Variants in TNS3 observed in about 807,000 individuals in gnomAD.
TNS3 encodes the protein tensin-3.
Under a neutral mutation model 140.9 loss-of-function variants are expected in TNS3, and 45 were observed. The observed-to-expected ratio is 0.32, with a 90% CI of 0.25 to 0.41. The LOEUF (loss-of-function observed/expected upper bound fraction) is 0.41, where lower values mean the gene tolerates loss of function less well. Ranked by LOEUF, TNS3 falls within the 10% of genes least tolerant of loss-of-function variation. The probability of loss-of-function intolerance (pLI) is 1.00; values close to 1 mark genes in which losing one functional copy is unlikely to be tolerated. For missense variants in TNS3, 1,716 were observed against 1,906.7 expected, an observed-to-expected ratio of 0.90 and a Z score of 1.86; for synonymous variants, 815 against 788.4, an observed-to-expected ratio of 1.03 and a Z score of -0.56.
chr7:47,414,067 A>G, intron 11 of TNS3, 70 bp from the exon 12 acceptor site: 1 of 1,550,840 alleles, frequency 6.4e-7, no homozygotes, highest in African/African-American at 1.4e-5. Context: ...GGCAATCAGA[A>G]AGACAGAAAG....
At chr7:47,305,079 T>C in intron 20 of TNS3, 76 bp from the exon 21 acceptor site, 2 of 1,187,788 alleles carry the variant, frequency 1.7e-6, no homozygotes, top group Non-Finnish European at 1.1e-6. Context: ...TGCTTTTGCA[T>C]GTTCCACAAG....
chr7:47,516,956 G>A (rs530415753), intron 2 of TNS3, among the ~76,000 whole-genome samples: 11 of 152,118 alleles, frequency 7.2e-5, no homozygotes, highest in Non-Finnish European at 1.5e-4. Flanking sequence ...CCAGCTACTC[G>A]GGAAGCTGAG....
chr7:47,561,313 A>C (rs781038266), intron 1 of TNS3, among the ~76,000 whole-genome samples: 11 of 152,158 alleles, frequency 7.2e-5, no homozygotes, highest in South Asian at 2.1e-4. Context: ...TGGGAGTGTT[A>C]GAGACTGTTG....
intron 4 of TNS3, among the ~76,000 whole-genome samples, chr7:47,452,265 G>C (rs985136760): frequency 2.0e-5 from 3 of 152,196 alleles, no homozygotes; most frequent in African/African-American, 7.2e-5. Context: ...AATGCTCAGA[G>C]AGGGTAAGTG....
chr7:47,358,578 G>C (rs1355391714), intron 17 of TNS3, among the ~76,000 whole-genome samples: 1 of 152,222 alleles, frequency 6.6e-6, no homozygotes, highest in Non-Finnish European at 1.5e-5. Flanking sequence ...ACTGTGGGGA[G>C]CGACGCAGCC....
chr7:47,280,344 G>A lies in TNS3; in HGVS notation c.4108C>T (p.Arg1370Trp), dbSNP rs753171050. Residue 1370 changes from arginine to tryptophan, a missense_variant, in exon 29 of 31, where the codon CGG (arginine) becomes TGG (tryptophan). By Grantham distance (101) the Arg-to-Trp change is moderately radical. Around this residue, in one of 3 missense-constraint regions of TNS3, gnomAD observed 216 missense variants for 295.7 expected, o/e 0.73. Transcript: ENST00000311160. ...LTDNQRKLFF[R>W]RHYPVNSVIF... ...ACACTGTTCACGGGGTAATGCCTCC[G>A]GAAGAAGAGCCTGTTGGGACATGGG... 9 of 1,614,104 alleles carry A rather than the reference G, an allele frequency of 5.6e-6. No individual in the cohort carries two copies. Among genetic ancestry groups the A allele is most frequent in the Admixed American group, 1.7e-5 (1 of 60,020 alleles).
At chr7:47,286,111 A>G (rs967624067) in intron 27 of TNS3, among the ~76,000 whole-genome samples, 1 of 152,164 alleles carries the variant, frequency 6.6e-6, no homozygotes, top group Non-Finnish European at 1.5e-5. Context: ...TGAAAGAGAG[A>G]AAAAAGGGAA....
chr7:47,438,830 G>T (rs1199244312), intron 6 of TNS3, among the ~76,000 whole-genome samples: 1 of 152,186 alleles, frequency 6.6e-6, no homozygotes, highest in African/African-American at 2.4e-5. Context: ...CCTTACTAGA[G>T]ATAACAAGGC....
chr7:47,318,878 G>A (rs891198931), intron 20 of TNS3, among the ~76,000 whole-genome samples: 8 of 152,350 alleles, frequency 5.3e-5, no homozygotes, highest in East Asian at 1.9e-4. Flanking sequence ...TCTTTAGTCC[G>A]CAGAATAATT....
In TNS3 at chr7:47,443,102, T is replaced by G. The variant is rs188218780; in HGVS notation, c.-75-1047A>C. ...CAGGATCTAGGGGCGTGCTCTTCAG[T>G]TCTACACCAAGGTGCCGGTGAGCTC... On this transcript the variant is annotated intron_variant, in intron 4 of 30. Transcript: ENST00000311160. Among the ~76,000 whole-genome samples, 472 of 151,870 alleles carry G rather than the reference T, an allele frequency of 3.1e-3. 1 individual carries two copies. The highest frequency in any genetic ancestry group is 0.011 in the African/African-American group (447 of 41,382).
In TNS3 at chr7:47,368,310, T is replaced by C. The variant is rs1250486854; in HGVS notation, c.2281+55A>G. ...TACTAGGCTGATTTCTCATCACACA[T>C]TAGCCTCCCGTGGAGCACCTCCCGT... is the stretch of plus-strand genomic sequence containing the variant. On this transcript the variant is annotated intron_variant, in intron 17 of 30. Transcript: ENST00000311160. The C allele has an allele frequency of 2.8e-6, 4 of 1,418,918 alleles. No individual in the cohort carries two copies. In the East Asian group the frequency reaches 1.0e-4, roughly 36 times the overall value. 87.9% of individuals were successfully genotyped at this position (1,418,918 alleles called of 1,614,324 possible).
At chr7:47,481,755 A>T (rs1053733358) in intron 3 of TNS3, 1 of 975,606 alleles carries the variant, frequency 1.0e-6, no homozygotes, top group Admixed American at 6.1e-5. Context: ...AAAGTAACGG[A>T]GGCAAGGTGG....
At chr7:47,339,571 C>T (rs1410259643) in intron 20 of TNS3, among the ~76,000 whole-genome samples, 1 of 152,178 alleles carries the variant, frequency 6.6e-6, no homozygotes, top group Non-Finnish European at 1.5e-5. Context: ...CCATCCACAC[C>T]ACAGTCTTGA....
At chr7:47,457,512 C>T (rs1796309916) in intron 4 of TNS3, among the ~76,000 whole-genome samples, 1 of 152,080 alleles carries the variant, frequency 6.6e-6, no homozygotes. Flanking sequence ...CAAGAGGCCA[C>T]TCCTCCTAAT....
At chr7:47,361,954 G>C (rs891911530) in intron 17 of TNS3, among the ~76,000 whole-genome samples, 1 of 152,146 alleles carries the variant, frequency 6.6e-6, no homozygotes, top group African/African-American at 2.4e-5. Context: ...GCCACCCACG[G>C]AATCATGAAT....
intron 16 of TNS3, among the ~76,000 whole-genome samples, chr7:47,380,180 G>A (rs1461953364): frequency 1.3e-5 from 2 of 152,330 alleles, no homozygotes; most frequent in Non-Finnish European, 2.9e-5. Context: ...CCGCCAAGGT[G>A]CCCCCACAGC....
At chr7:47,408,734 G>A (rs1793585018) in intron 13 of TNS3, among the ~76,000 whole-genome samples, 1 of 152,188 alleles carries the variant, frequency 6.6e-6, no homozygotes, top group Non-Finnish European at 1.5e-5. Context: ...AACCTTCCAA[G>A]ACAACGACTT....
intron 3 of TNS3, among the ~76,000 whole-genome samples, chr7:47,505,678 G>A (rs181428940): frequency 6.6e-6 from 1 of 152,362 alleles, no homozygotes; most frequent in Admixed American, 6.5e-5. Context: ...TCTCTTGGGA[G>A]AAAAGAAATA....
intron 3 of TNS3, among the ~76,000 whole-genome samples, chr7:47,497,822 C>T (rs1798070852): frequency 6.6e-6 from 1 of 152,198 alleles, no homozygotes; most frequent in Non-Finnish European, 1.5e-5. Flanking sequence ...GGGCTCCCTC[C>T]AGGACCGGGC....
Sources: allele counts gnomAD v4.1 joint callset (sites outside exome capture counted in the v4.1 genomes callset), GRCh38; gene constraint gnomAD v4.1.1; regional missense constraint gnomAD v4.1.1; transcripts MANE v1.5; gene names NCBI Gene and HGNC (gene_info 2026-07-23, HGNC 2026-07-21).